The following AGT variants were observed in gnomAD, a reference collection of about 807,000 sequenced individuals.
The protein encoded by AGT is angiotensinogen, also known as alpha-1 antiproteinase, antitrypsin.
Under a neutral mutation model 28.1 loss-of-function variants are expected in AGT, and 26 were observed. The observed-to-expected ratio is 0.92, with a 90% CI of 0.68 to 1.28. The LOEUF (loss-of-function observed/expected upper bound fraction) is 1.28. Ranked by LOEUF, AGT falls within the 50% of genes most tolerant of loss-of-function variation. The pLI is 0.00. For synonymous variants in AGT, 259 were observed against 259.6 expected, an observed-to-expected ratio of 1.00 and a Z score of 0.02; for missense variants, 596 against 592.3, an observed-to-expected ratio of 1.01 and a Z score of -0.06.
intron 1 of AGT, among the ~76,000 whole-genome samples, chr1:230,722,389 C>A (rs572638348): frequency 6.6e-6 from 1 of 152,374 alleles, no homozygotes; most frequent in East Asian, 1.9e-4. Flanking sequence ...GCAGCCCTCA[C>A]ACAGAGTTGC....
intron 3 of AGT, 60 bp from the exon 4 acceptor site, chr1:230,704,397 G>A (rs889703237): frequency 6.3e-7 from 1 of 1,592,052 alleles, no homozygotes; most frequent in Admixed American, 1.7e-5. Flanking sequence ...CTCTCCCAGA[G>A]GCCAGGCAGG....
intron 4 of AGT, among the ~76,000 whole-genome samples, 200 bp downstream of exon 4, chr1:230,703,993 G>A (rs1663306163): frequency 6.6e-6 from 1 of 152,194 alleles, no homozygotes; most frequent in African/African-American, 2.4e-5. Flanking sequence ...GCACAGCAGG[G>A]ATGGGGAGGG....
At chr1:230,738,032 A>C (rs896185204) in intron 1 of AGT, among the ~76,000 whole-genome samples, 2 of 152,202 alleles carry the variant, frequency 1.3e-5, no homozygotes, top group Non-Finnish European at 2.9e-5. Context: ...TTAGTACTTC[A>C]TTCCTTTTTA....
chr1:230,734,690 A>T (rs1664123793), intron 1 of AGT, among the ~76,000 whole-genome samples: 1 of 151,832 alleles, frequency 6.6e-6, no homozygotes, highest in African/African-American at 2.4e-5. Context: ...AATAGCTGGT[A>T]AATATAACTG....
Position 230,720,982 on chromosome 1 carries a change from C to T in AGT, c.-30-10129G>A, listed in dbSNP as rs554768364. Among the ~76,000 whole-genome samples the T allele has an allele frequency of 2.0e-5, 3 of 152,354 alleles. No individual in the cohort carries two copies. The South Asian group carries it at 6.2e-4, about 32-fold the overall frequency. ...TCAGGAACTGGTATACAAGCCAGACCTGGCCCAGGGGGGCCGATTGGGTGA... is the reference window on the plus strand; with the variant it reads ...TCAGGAACTGGTATACAAGCCAGACTTGGCCCAGGGGGGCCGATTGGGTGA... On this transcript the variant is annotated intron_variant, in intron 1 of 4. Coordinates refer to the AGT transcript ENST00000681269.
chr1:230,724,064 G>A (rs4284270), intron 1 of AGT, among the ~76,000 whole-genome samples: 2,068 of 152,310 alleles, frequency 0.014, 55 homozygotes, highest in African/African-American at 0.046. Flanking sequence ...CCAAATCTGG[G>A]CTGGACCACC....
chr1:230,715,126 C>T (rs1345064907), upstream of AGT, among the ~76,000 whole-genome samples: 2 of 152,156 alleles, frequency 1.3e-5, no homozygotes, highest in African/African-American at 4.8e-5. Context: ...GAACATTTAA[C>T]AACAAAGAGC....
At chr1:230,704,360 G>C (rs754843894) in intron 3 of AGT, 23 bp from the exon 4 acceptor site, 1 of 1,613,484 alleles carries the variant, frequency 6.2e-7, no homozygotes, top group Admixed American at 1.7e-5. Flanking sequence ...TGCACAGTTA[G>C]GAAGGCTCCA....
chr1:230,704,272 G>A lies in AGT; in HGVS notation c.1163C>T (p.Ala388Val). 6.2e-7 allele frequency: 1 copy of A among 1,614,240 alleles called. No individual in the cohort carries two copies. Among genetic ancestry groups the A allele is most frequent in the Non-Finnish European group, 8.5e-7 (1 of 1,180,040 alleles). The change falls in exon 4 of 5, where the codon GCC becomes GTC. Residue 388 changes from alanine (A) to valine (V), a missense_variant. Ala to Val is a moderately conservative substitution (Grantham distance 64). Coordinates refer to ENST00000366667, the MANE Select transcript of AGT (RefSeq NM_001384479.1). ...CAGAATGGCGGGCAGCTCAGCCTGG[G>A]CGAGCAGGTCCTGCAGGTCATAAGA... Reference protein sequence around the residue: ...QGSYDLQDLLAQAELPAILHT... With the variant: ...QGSYDLQDLLVQAELPAILHT...
intron 1 of AGT, among the ~76,000 whole-genome samples, chr1:230,733,899 A>T (rs746128371): frequency 6.6e-6 from 1 of 152,072 alleles, no homozygotes; most frequent in African/African-American, 2.4e-5. Flanking sequence ...TTGTTCTGCC[A>T]GTCATTCAGG....
chr1:230,703,267 T>A lies in AGT; in HGVS notation c.1305A>T (p.Gln435His), dbSNP rs1446194739. Residue 435 changes from glutamine to histidine, a missense_variant, in exon 5 of 5, where the codon CAA (glutamine) becomes CAT (histidine). By Grantham distance (24) the Gln-to-His change is conservative. Coordinates refer to ENST00000366667, the MANE Select transcript of AGT (RefSeq NM_001384479.1). ...CCAAGACCTCAGGCTTGTTAAGCTG[T>A]TGGGTAGACTCTGTGGGCTCTCTCT... The part of the protein sequence containing the change: ...ADEREPTEST[Q>H]QLNKPEVLEV... The A allele has an allele frequency of 1.2e-6, 2 of 1,614,002 alleles. No homozygotes were observed. Among genetic ancestry groups the A allele is most frequent in the African/African-American group, 2.7e-5 (2 of 74,896 alleles).
rs533871918 is a variant in AGT, at chr1:230,705,628, C to T, written c.1097+305G>A. 1.8e-4 allele frequency among the ~76,000 whole-genome samples: 27 copies of T among 152,328 alleles called. No individual in the cohort carries two copies. The Middle Eastern group carries it at 0.014, about 77-fold the overall frequency. Reference sequence around the variant, plus strand: ...ACCAAAATGGTCCTCTCTCAGAGGGCGGATTGCAATGTTTTCTCCCCCTCC... The same window carrying T: ...ACCAAAATGGTCCTCTCTCAGAGGGTGGATTGCAATGTTTTCTCCCCCTCC... On this transcript the variant is annotated intron_variant, in intron 3 of 4. Coordinates refer to ENST00000366667, the MANE Select transcript of AGT (RefSeq NM_001384479.1).
At chr1:230,737,693 A>G (rs1380938030) in intron 1 of AGT, among the ~76,000 whole-genome samples, 1 of 152,192 alleles carries the variant, frequency 6.6e-6, no homozygotes, top group African/African-American at 2.4e-5. Flanking sequence ...AGGCAAAATG[A>G]GGCACAGAGC....
upstream of AGT, among the ~76,000 whole-genome samples, chr1:230,716,857 T>C (rs1250153608): frequency 2.0e-5 from 3 of 151,772 alleles, no homozygotes; most frequent in African/African-American, 7.3e-5. Context: ...CAGCCACATA[T>C]GGAGTCAGCA....
rs1484314256 is a variant in AGT at position 230,704,196 on chromosome 1, C to T, written c.1239G>A (p.Gly413=). The T allele has an allele frequency of 6.2e-7, 1 of 1,614,264 alleles. No homozygotes were observed. Among genetic ancestry groups the T allele is most frequent in the South Asian group, 1.1e-5 (1 of 91,084 alleles). The part of the protein sequence containing the change: ...QKLSNDRIRV[G]EVLNSIFFEL... Reference sequence around the variant, plus strand: ...ACAGACACAGGCTCACACATACCTCCCCCACCCTGATGCGGTCATTGCTCA... The same window carrying T: ...ACAGACACAGGCTCACACATACCTCTCCCACCCTGATGCGGTCATTGCTCA... Residue 413 remains glycine (G), a synonymous_variant, in exon 4 of 5, where the codon GGG becomes GGA. Coordinates refer to ENST00000366667, the MANE Select transcript of AGT (RefSeq NM_001384479.1).
rs11568027 is a variant in AGT at position 230,711,700 on chromosome 1, C to T, written c.-30-847G>A. 5.2e-3 allele frequency among the ~76,000 whole-genome samples: 785 copies of T among 152,058 alleles called. 7 individuals carry two copies. Among genetic ancestry groups the T allele is most frequent in the African/African-American group, 0.018 (754 of 41,476 alleles). On this transcript the variant is annotated intron_variant, in intron 1 of 4. Coordinates refer to ENST00000366667, the MANE Select transcript of AGT (RefSeq NM_001384479.1). ...TTTCCCACGTGTCTCAACCCCAAAA[C>T]CAGCTCTCAACCATCCCTGCATAGC...
At chr1:230,739,284 G>T (rs538443715) in intron 1 of AGT, among the ~76,000 whole-genome samples, 1 of 151,818 alleles carries the variant, frequency 6.6e-6, no homozygotes, top group Admixed American at 6.6e-5. Context: ...GAGCCCAGGA[G>T]TTGGAAGCCA....
intron 1 of AGT, among the ~76,000 whole-genome samples, chr1:230,726,269 T>A (rs1366360101): frequency 2.0e-5 from 3 of 152,180 alleles, no homozygotes; most frequent in Non-Finnish European, 4.4e-5. Context: ...ACAGTGTTAT[T>A]TTCCCCCATT....
intron 4 of AGT, 87 bp downstream of exon 4, chr1:230,704,106 A>T: frequency 6.2e-7 from 1 of 1,601,864 alleles, no homozygotes; most frequent in East Asian, 2.2e-5. Flanking sequence ...CCCCACCCAT[A>T]GCCTCCTCTG....
Sources: allele counts gnomAD v4.1 joint callset (sites outside exome capture counted in the v4.1 genomes callset), GRCh38; gene constraint gnomAD v4.1.1; transcripts MANE v1.5; gene names NCBI Gene and HGNC (gene_info 2026-07-23, HGNC 2026-07-21).